Variants in MCCC2 observed in about 807,000 individuals in gnomAD.
MCCC2 encodes the protein methylcrotonyl-CoA carboxylase subunit 2.
A neutral mutation model predicts 77.2 loss-of-function variants in MCCC2; 52 were observed. The observed-to-expected ratio is 0.67, with a 90% CI of 0.54 to 0.85. MCCC2 has a LOEUF of 0.85. Ranked by LOEUF, MCCC2 falls within the 40% of genes least tolerant of loss-of-function variation. The pLI is 0.00. For missense variants in MCCC2, 682 were observed against 703.2 expected, an observed-to-expected ratio of 0.97 and a Z score of 0.34; for synonymous variants, 253 against 248.4, an observed-to-expected ratio of 1.02 and a Z score of -0.18.
chr5:71,633,445 T>C (rs1746812559), intron 8 of MCCC2, among the ~76,000 whole-genome samples: 1 of 152,050 alleles, frequency 6.6e-6, no homozygotes, highest in Non-Finnish European at 1.5e-5. Flanking sequence ...TTGTGAATAG[T>C]GCCTGCCTCA....
chr5:71,610,223 C>T (rs1330140105), intron 6 of MCCC2, among the ~76,000 whole-genome samples: 2 of 152,232 alleles, frequency 1.3e-5, no homozygotes, highest in Non-Finnish European at 2.9e-5. Context: ...CAGCGAGACT[C>T]CGTGGGCGTA....
intron 10 of MCCC2, 98 bp downstream of exon 10, chr5:71,635,344 C>A: frequency 1.9e-6 from 2 of 1,051,964 alleles, no homozygotes; most frequent in Non-Finnish European, 3.0e-6. Context: ...TATGTTCATG[C>A]CTAGAAATAG....
chr5:71,620,892 G>T (rs1450652304), intron 6 of MCCC2, among the ~76,000 whole-genome samples: 2 of 152,130 alleles, frequency 1.3e-5, no homozygotes, highest in African/African-American at 4.8e-5. Flanking sequence ...TCCTGTCACA[G>T]AGCAGGCCCA....
At chr5:71,634,131 AT>A (rs1018008208) in intron 8 of MCCC2, among the ~76,000 whole-genome samples, 1 of 152,094 alleles carries the variant, frequency 6.6e-6, no homozygotes, top group African/African-American at 2.4e-5. Context: ...TGAACAAATT[AT>A]TTTTTTCAGG....
At position 71,606,289 on chromosome 5, in the gene MCCC2, A is replaced by C. The variant is rs559047013; in HGVS notation, c.624+1821A>C. On this transcript the variant is annotated intron_variant, in intron 6 of 16. Coordinates refer to ENST00000340941, the MANE Select transcript of MCCC2 (RefSeq NM_022132.5). ...GTAGTTCTCCTTGAAGAGGTCCTTC[A>C]CATCCCTTGTAAGTTGGATTCCTAG... 2.0e-3 allele frequency among the ~76,000 whole-genome samples: 296 copies of C among 150,464 alleles called. 3 individuals are homozygous for C. The highest frequency in any genetic ancestry group is 3.0e-3 in the Non-Finnish European group (200 of 67,272).
chr5:71,597,522 G>C (rs536897276), intron 3 of MCCC2, among the ~76,000 whole-genome samples: 1 of 96,978 alleles, frequency 1.0e-5, no homozygotes, highest in African/African-American at 3.3e-5. Flanking sequence ...ATGGGGACTC[G>C]GCATAGGGTA....
chr5:71,601,075 T>G (rs372155036), intron 4 of MCCC2, among the ~76,000 whole-genome samples: 1 of 152,194 alleles, frequency 6.6e-6, no homozygotes, highest in South Asian at 2.1e-4. Flanking sequence ...AGAGGCAGTT[T>G]CTGAAAGAAG....
chr5:71,646,937 C>G (rs1369725081), intron 13 of MCCC2, among the ~76,000 whole-genome samples: 1 of 152,122 alleles, frequency 6.6e-6, no homozygotes, highest in South Asian at 2.1e-4. Context: ...ATACCCTGAA[C>G]CAAAGTCTGG....
At chr5:71,637,884 T>C (rs1746984378) in intron 10 of MCCC2, among the ~76,000 whole-genome samples, 1 of 152,018 alleles carries the variant, frequency 6.6e-6, no homozygotes, top group Admixed American at 6.6e-5. Flanking sequence ...GGCTAATTTT[T>C]TGTATTTTTA....
intron 6 of MCCC2, among the ~76,000 whole-genome samples, chr5:71,614,968 C>T (rs555770220): frequency 2.6e-5 from 4 of 152,214 alleles, no homozygotes; most frequent in African/African-American, 9.6e-5. Context: ...TGGGTGGCTA[C>T]ATTTTTTTCC....
At chr5:71,591,120 G>C (rs915745972) in intron 1 of MCCC2, among the ~76,000 whole-genome samples, 29 of 152,320 alleles carry the variant, frequency 1.9e-4, no homozygotes, top group African/African-American at 6.5e-4. Flanking sequence ...AAATAATGGA[G>C]ATATACTGTA....
At chr5:71,638,680 C>T (rs1021399117) in intron 10 of MCCC2, among the ~76,000 whole-genome samples, 4 of 152,174 alleles carry the variant, frequency 2.6e-5, no homozygotes, top group Admixed American at 2.6e-4. Context: ...GCCACCATTC[C>T]CAGCTAATTT....
At chr5:71,638,639 G>C (rs997600132) in intron 10 of MCCC2, among the ~76,000 whole-genome samples, 1 of 152,088 alleles carries the variant, frequency 6.6e-6, no homozygotes, top group African/African-American at 2.4e-5. Context: ...TCCTGCCTCA[G>C]CCTCCCAAGT....
chr5:71,656,681 G>A (rs1747589845), intron 16 of MCCC2, 62 bp from the exon 17 acceptor site: 2 of 1,274,436 alleles, frequency 1.6e-6, no homozygotes, highest in African/African-American at 1.5e-5. Flanking sequence ...TTCTGCACAT[G>A]GAGAGTGTAT....
Position 71,623,264 on chromosome 5 carries a change from C to T in MCCC2, c.625-3376C>T, listed in dbSNP as rs796569175. Among the ~76,000 whole-genome samples, 13 of 152,264 alleles carry T rather than the reference C, an allele frequency of 8.5e-5. 1 individual carries two copies. Among genetic ancestry groups the T allele is most frequent in the African/African-American group, 3.1e-4 (13 of 41,550 alleles). ...GTAAAACAAGACACATTGATTATCT[C>T]GCAGTTTCTGTGCGTTGGGAGTCTG... On this transcript the variant is annotated intron_variant, in intron 6 of 16. Transcript: ENST00000340941.
In MCCC2 at chr5:71,657,570, G is replaced by A. The variant is rs1747618456; in HGVS notation, c.*710G>A. 1 of 152,104 alleles carries A rather than the reference G, an allele frequency of 6.6e-6. No homozygotes were observed. Among genetic ancestry groups the A allele is most frequent in the African/African-American group, 2.4e-5 (1 of 41,316 alleles). The allele number at this position is 152,104 out of a possible 1,614,324, so 9.4% of individuals were successfully genotyped here. A position where few individuals can be genotyped will look rare whatever the true frequency, so the allele number is the denominator to read the frequency against. Reference sequence around the variant, plus strand: ...GCCTCCCAAGCAGCTGGGACTATAGGCACGCACCACCACACCCAGCTAAGT... The same window carrying A: ...GCCTCCCAAGCAGCTGGGACTATAGACACGCACCACCACACCCAGCTAAGT... On this transcript the variant is annotated 3_prime_UTR_variant, in exon 17 of 17. Coordinates refer to ENST00000340941, the MANE Select transcript of MCCC2 (RefSeq NM_022132.5).
chr5:71,597,777 AT>A (rs1210538524), intron 3 of MCCC2, among the ~76,000 whole-genome samples: 1 of 152,190 alleles, frequency 6.6e-6, no homozygotes, highest in Non-Finnish European at 1.5e-5. Flanking sequence ...AGACACCTAC[AT>A]TTTTTAAAAA....
At chr5:71,610,331 C>T in intron 6 of MCCC2, among the ~76,000 whole-genome samples, 1 of 151,538 alleles carries the variant, frequency 6.6e-6, no homozygotes, top group Admixed American at 6.6e-5. Context: ...ACCCGATTTT[C>T]CAGGTGCGTC....
chr5:71,631,538 CTTT>C (rs544704315), intron 7 of MCCC2, among the ~76,000 whole-genome samples: 51,034 of 127,606 alleles, frequency 0.4, 9,138 homozygotes, highest in South Asian at 0.45. Context: ...GGTCTTTCTT[CTTT>C]TTTTTTTTTT....
Sources: allele counts gnomAD v4.1 joint callset (sites outside exome capture counted in the v4.1 genomes callset), GRCh38; gene constraint gnomAD v4.1.1; transcripts MANE v1.5; gene names NCBI Gene and HGNC (gene_info 2026-07-23, HGNC 2026-07-21).